CFAP52: variants seen among roughly 807,000 people sequenced by gnomAD.
CFAP52 encodes cilia and flagella associated protein 52, also known as cilia- and flagella-associated protein 52.
Under a neutral mutation model 70.5 loss-of-function variants are expected in CFAP52, and 57 were observed. That is an observed-to-expected ratio of 0.81 (90% CI 0.65 to 1.01). The LOEUF is 1.01. Among genes scored for constraint, CFAP52 ranks in the 50% least tolerant of loss-of-function variants. The pLI, the probability that CFAP52 is intolerant of heterozygous loss-of-function variation, is 0.00. For synonymous variants in CFAP52, 267 were observed against 292.5 expected (o/e 0.91, Z 0.89); for missense variants, 785 against 788.5 (o/e 1.00, Z 0.05).
rs1375570957 is a variant in CFAP52, at chr17:9,636,179, A to AAAG, written c.1472+625_1472+626insGAA. 2.1e-3 allele frequency among the ~76,000 whole-genome samples: 205 copies of AAAG among 99,140 alleles called. 1 individual carries two copies. Among genetic ancestry groups the AAAG allele is most frequent in the Middle Eastern group, 9.8e-3 (2 of 204 alleles). 65.0% of individuals were successfully genotyped at this position (99,140 alleles called of 152,430 possible). On this transcript the variant is annotated intron_variant, in intron 11 of 13. Coordinates refer to ENST00000352665, the MANE Select transcript of CFAP52 (RefSeq NM_145054.5). ...ACAAGAGTGAAACTCTGTCTCAAAA[A>AAAG]AAAGAAAGAAAGAAAGAAAGAAAGA...
chr17:9,605,128 C>G (rs992286974), intron 6 of CFAP52, among the ~76,000 whole-genome samples: 1 of 152,134 alleles, frequency 6.6e-6, no homozygotes, highest in African/African-American at 2.4e-5. Flanking sequence ...TATGTTCACA[C>G]GAGAACCTGC....
intron 4 of CFAP52, among the ~76,000 whole-genome samples, chr17:9,597,813 GAGAGAGAGAGAGAGAGAAAGAGAGAA>G (rs1909080139): frequency 6.6e-6 from 1 of 151,128 alleles, no homozygotes; most frequent in African/African-American, 2.4e-5. Context: ...AAGAGAGAGA[GAGAGAGAGAGAGAGAGAAAGAGAGAA>G]AGAGAGAGAG....
intron 8 of CFAP52, among the ~76,000 whole-genome samples, chr17:9,614,449 C>T (rs1909833104): frequency 6.6e-6 from 1 of 152,182 alleles, no homozygotes; most frequent in Admixed American, 6.5e-5. Flanking sequence ...AGCCACCACG[C>T]CTGGCCTCTC....
At chr17:9,642,701 A>G (rs946118496) in intron 13 of CFAP52, among the ~76,000 whole-genome samples, 1 of 152,226 alleles carries the variant, frequency 6.6e-6, no homozygotes, top group Non-Finnish European at 1.5e-5. Flanking sequence ...GCAGGTATCA[A>G]ACTAGACACA....
rs561285328 is a variant in CFAP52 at position 9,605,010 on chromosome 17, C to T, written c.754-3109C>T. 2.0e-4 allele frequency among the ~76,000 whole-genome samples: 30 copies of T among 152,066 alleles called. 1 individual carries two copies. The highest frequency in any genetic ancestry group is 7.2e-4 in the Admixed American group (11 of 15,248). On this transcript the variant is annotated intron_variant, in intron 6 of 13. Coordinates refer to ENST00000352665, the MANE Select transcript of CFAP52 (RefSeq NM_145054.5). The stretch of plus-strand genomic sequence containing the variant: ...TTGCTGATGGGAATGCAAAATAGTA[C>T]GGCCACTTTGGAAGATAGTTTGGTG...
At position 9,635,551 on chromosome 17, in the gene CFAP52, C is replaced by T; in HGVS notation, c.1467C>T (p.Asp489=). 1 of 1,614,142 alleles carries T rather than the reference C, an allele frequency of 6.2e-7. No individual in the cohort carries two copies. Among genetic ancestry groups the T allele is most frequent in the East Asian group, 2.2e-5 (1 of 44,874 alleles). ...ASTDGTCIIW[D]LVRLRRNQMI... is the part of the protein sequence containing the mutation. ...CCGATGGGACTTGTATCATTTGGGA[C>T]CTTGTGTAGGTACCTGTGATGGGGA... The change falls in exon 11 of 14, where the codon GAC becomes GAT. Residue 489 remains aspartate (D), a synonymous_variant. Coordinates refer to ENST00000352665, the MANE Select transcript of CFAP52 (RefSeq NM_145054.5).
chr17:9,607,420 T>C (rs1168728414), intron 6 of CFAP52, among the ~76,000 whole-genome samples: 1 of 152,230 alleles, frequency 6.6e-6, no homozygotes, highest in Non-Finnish European at 1.5e-5. Flanking sequence ...AACTTCACAG[T>C]GGATACTATA....
chr17:9,593,649 T>A (rs987116587), intron 3 of CFAP52, among the ~76,000 whole-genome samples: 43 of 152,066 alleles, frequency 2.8e-4, no homozygotes, highest in African/African-American at 9.2e-4. Context: ...AAAGATGGGT[T>A]TTCACCATGT....
rs1271020097 is a variant in CFAP52, at chr17:9,637,207, C to T, written c.1473-1402C>T. Among the ~76,000 whole-genome samples, 8 of 152,252 alleles carry T rather than the reference C, an allele frequency of 5.3e-5. No homozygotes were observed. In the East Asian group the frequency reaches 1.3e-3, roughly 26 times the overall value. ...TTCTGCATTTCTAAGAAGCTGCCAA[C>T]TGAGAGTGCTGGTTCAAGGACCACA... On this transcript the variant is annotated intron_variant, in intron 11 of 13. Transcript: ENST00000352665.
intron 8 of CFAP52, among the ~76,000 whole-genome samples, chr17:9,615,614 T>C (rs1909872039): frequency 6.6e-6 from 1 of 150,618 alleles, no homozygotes; most frequent in Admixed American, 6.7e-5. Context: ...GTGGTTACCC[T>C]TGAATTGTTT....
At chr17:9,644,155 C>T (rs758003786), downstream of CFAP52, among the ~76,000 whole-genome samples, 6 of 151,988 alleles carry the variant, frequency 3.9e-5, no homozygotes, top group Non-Finnish European at 7.4e-5. Flanking sequence ...CGCAATTTAG[C>T]TCTTGTCGCC....
intron 12 of CFAP52, among the ~76,000 whole-genome samples, chr17:9,641,064 T>A (rs1008615445): frequency 3.3e-5 from 5 of 152,320 alleles, no homozygotes; most frequent in African/African-American, 1.2e-4. Context: ...CTTGAATAGA[T>A]TGTGCATTCA....
At chr17:9,640,541 C>T (rs1911006840) in intron 12 of CFAP52, among the ~76,000 whole-genome samples, 1 of 152,108 alleles carries the variant, frequency 6.6e-6, no homozygotes, top group Non-Finnish European at 1.5e-5. Context: ...TAATGGCTCC[C>T]AACTCCATCC....
intron 6 of CFAP52, among the ~76,000 whole-genome samples, chr17:9,604,028 G>C (rs910863801): frequency 6.6e-6 from 1 of 152,092 alleles, no homozygotes; most frequent in South Asian, 2.1e-4. Flanking sequence ...ATTGGTGAAA[G>C]AGCAAAGGAA....
intron 4 of CFAP52, among the ~76,000 whole-genome samples, chr17:9,596,060 T>TGTGTGC (rs1491145004): frequency 3.6e-5 from 2 of 55,888 alleles, no homozygotes; most frequent in African/African-American, 2.7e-4. Context: ...TATGTGTGTG[T>TGTGTGC]ATATATATAT....
intron 11 of CFAP52, among the ~76,000 whole-genome samples, chr17:9,636,887 A>G (rs1390909686): frequency 6.6e-6 from 1 of 152,138 alleles, no homozygotes; most frequent in East Asian, 1.9e-4. Context: ...TCTACTAAAA[A>G]TACAAAAAGT....
At chr17:9,595,578 A>C (rs1396291268) in intron 4 of CFAP52, among the ~76,000 whole-genome samples, 1 of 152,104 alleles carries the variant, frequency 6.6e-6, no homozygotes, top group Non-Finnish European at 1.5e-5. Context: ...CAGCCCCTTA[A>C]GCAGCAGGCA....
chr17:9,628,265 G>A (rs981908533), intron 8 of CFAP52, among the ~76,000 whole-genome samples: 19 of 151,166 alleles, frequency 1.3e-4, no homozygotes, highest in Non-Finnish European at 1.9e-4. Context: ...ATAATAAAAG[G>A]CATCCTTCCC....
chr17:9,598,806 CT>C (rs1341950736), intron 5 of CFAP52, among the ~76,000 whole-genome samples: 1 of 151,324 alleles, frequency 6.6e-6, no homozygotes, highest in Non-Finnish European at 1.5e-5. Flanking sequence ...CTGCCACTCC[CT>C]TTAGGAGTCA....
Sources: gnomAD v4.1 joint callset for allele counts (sites outside exome capture counted in the v4.1 genomes callset) on GRCh38, gnomAD v4.1.1 for gene constraint, MANE v1.5 for transcripts, NCBI Gene and HGNC (gene_info 2026-07-23, HGNC 2026-07-21) for gene names.